NAV3: variants seen among roughly 807,000 people sequenced by gnomAD.
NAV3 encodes neuron navigator 3.
A neutral mutation model predicts 244.7 loss-of-function variants in NAV3; 87 were observed. That is an observed-to-expected ratio of 0.36 (90% CI 0.30 to 0.42). NAV3 has a LOEUF of 0.42. NAV3 is among the 20% of genes least tolerant of loss of function. The probability of loss-of-function intolerance (pLI) is 1.00; values close to 1 mark genes in which losing one functional copy is unlikely to be tolerated. For synonymous variants in NAV3, 1,126 were observed against 1,042.2 expected (o/e 1.08, Z -1.55); for missense variants, 2,663 against 2,893.3 (o/e 0.92, Z 1.83).
At chr12:78,167,133 G>A (rs999891973) in intron 23 of NAV3, among the ~76,000 whole-genome samples, 18 of 151,342 alleles carry the variant, frequency 1.2e-4, no homozygotes, top group Non-Finnish European at 2.1e-4. Context: ...ATTAAGTTTC[G>A]GTAAAATCTG....
intron 2 of NAV3, among the ~76,000 whole-genome samples, chr12:77,727,365 A>C (rs1213925024): frequency 6.6e-6 from 1 of 151,924 alleles, no homozygotes; most frequent in Non-Finnish European, 1.5e-5. Context: ...AACCATAGGC[A>C]TGGGAGAAAA....
chr12:78,195,318 C>G (rs1959156343), intron 34 of NAV3, among the ~76,000 whole-genome samples: 1 of 151,876 alleles, frequency 6.6e-6, no homozygotes, highest in African/African-American at 2.4e-5. Flanking sequence ...TTACACTTTT[C>G]AGGTTTCACT....
intron 26 of NAV3, 141 bp from the exon 27 acceptor site, chr12:78,177,000 A>T: frequency 1.4e-6 from 1 of 726,476 alleles, no homozygotes; most frequent in Non-Finnish European, 2.3e-6. Flanking sequence ...TTTTAGAGAT[A>T]CTGTGCTGCA....
At chr12:77,596,861 T>A (rs1057493972) in intron 2 of NAV3, among the ~76,000 whole-genome samples, 1 of 152,166 alleles carries the variant, frequency 6.6e-6, no homozygotes, top group East Asian at 1.9e-4. Context: ...GGGGCATCCA[T>A]GTGCAGTCTG....
At position 77,664,380 on chromosome 12, in the gene NAV3, G is replaced by C. The variant is rs555287521; in HGVS notation, c.72+92114G>C. On this transcript the variant is annotated intron_variant, in intron 2 of 8. Coordinates refer to the NAV3 transcript ENST00000550042. ...ATTATTAATTTTATTTCCTGGAAGA[G>C]TTGGCTAAATATTCAATAGGTTGGT... 2.0e-5 allele frequency among the ~76,000 whole-genome samples: 3 copies of C among 152,310 alleles called. No homozygotes were observed. The South Asian group carries it at 6.2e-4, about 32-fold the overall frequency.
chr12:77,670,787 T>C (rs184569207), intron 2 of NAV3, among the ~76,000 whole-genome samples: 157 of 152,216 alleles, frequency 1.0e-3, no homozygotes, highest in African/African-American at 3.5e-3. Flanking sequence ...GGGGCAAACC[T>C]TAGGGTAATA....
chr12:77,616,430 T>C (rs1244096086), intron 2 of NAV3, among the ~76,000 whole-genome samples: 1 of 152,092 alleles, frequency 6.6e-6, no homozygotes, highest in Non-Finnish European at 1.5e-5. Flanking sequence ...AAATTTTAAA[T>C]CCCTGCATAG....
intron 12 of NAV3, among the ~76,000 whole-genome samples, chr12:78,105,205 G>A (rs926961393): frequency 6.6e-6 from 1 of 152,078 alleles, no homozygotes; most frequent in Non-Finnish European, 1.5e-5. Flanking sequence ...GGACAGAAAT[G>A]TTATATCCTT....
At chr12:77,812,758 A>C (rs1226505499) in intron 2 of NAV3, among the ~76,000 whole-genome samples, 1 of 152,162 alleles carries the variant, frequency 6.6e-6, no homozygotes, top group Non-Finnish European at 1.5e-5. Flanking sequence ...GATAACAGTC[A>C]CACTTGATCA....
intron 2 of NAV3, among the ~76,000 whole-genome samples, chr12:77,638,552 A>G (rs967895181): frequency 2.0e-5 from 3 of 152,224 alleles, no homozygotes; most frequent in Admixed American, 6.5e-5. Flanking sequence ...AAAATCCTAC[A>G]GACTTACTGC....
intron 2 of NAV3, among the ~76,000 whole-genome samples, chr12:77,745,778 A>G (rs553347078): frequency 1.3e-5 from 2 of 152,150 alleles, no homozygotes; most frequent in South Asian, 2.1e-4. Flanking sequence ...TTCTGAATCA[A>G]TCAGCATGAC....
chr12:78,123,343 AT>A (rs144071808), intron 16 of NAV3, among the ~76,000 whole-genome samples: 2,654 of 149,446 alleles, frequency 0.018, 65 homozygotes, highest in African/African-American at 0.059. Context: ...TGTTTTTTTT[AT>A]TTTTTTTTTA....
intron 6 of NAV3, among the ~76,000 whole-genome samples, chr12:77,996,279 G>A (rs1344517540): frequency 6.6e-6 from 1 of 152,076 alleles, no homozygotes; most frequent in African/African-American, 2.4e-5. Flanking sequence ...TTCATTAGTT[G>A]GGTTCCTTCA....
intron 5 of NAV3, among the ~76,000 whole-genome samples, chr12:77,992,906 A>G (rs1479971158): frequency 1.3e-5 from 2 of 152,208 alleles, no homozygotes; most frequent in Admixed American, 6.5e-5. Flanking sequence ...CAAAGACTTT[A>G]GAACACAGTG....
intron 3 of NAV3, among the ~76,000 whole-genome samples, chr12:77,965,259 T>A (rs1184976604): frequency 6.6e-6 from 1 of 152,146 alleles, no homozygotes; most frequent in Non-Finnish European, 1.5e-5. Context: ...CAAATTTTTA[T>A]TTTTTTATTT....
chr12:77,645,726 G>A (rs1363198361), intron 2 of NAV3, among the ~76,000 whole-genome samples: 1 of 151,936 alleles, frequency 6.6e-6, no homozygotes, highest in African/African-American at 2.4e-5. Context: ...GTCATATCAA[G>A]TAATGTCTCA....
intron 2 of NAV3, among the ~76,000 whole-genome samples, chr12:77,746,495 A>G (rs1382763994): frequency 6.6e-6 from 1 of 152,166 alleles, no homozygotes; most frequent in Non-Finnish European, 1.5e-5. Context: ...GTGTGCATAT[A>G]TGTATGTGTA....
rs1956409200 is a variant in NAV3, at chr12:78,137,167, T to C, written c.4442-10T>C. ...TAAGAGTAATAGGCTCTGTGTGTTTTGTTTTTCAGTGAGCCCAACAAATTT... is the reference window on the plus strand; with the variant it reads ...TAAGAGTAATAGGCTCTGTGTGTTTCGTTTTTCAGTGAGCCCAACAAATTT... On this transcript the variant is annotated splice_polypyrimidine_tract_variant and intron_variant, in intron 18 of 39. Transcript: ENST00000397909. The C allele has an allele frequency of 6.2e-7, 1 of 1,606,766 alleles. No homozygotes were observed. Among genetic ancestry groups the C allele is most frequent in the South Asian group, 1.1e-5 (1 of 90,044 alleles).
intron 1 of NAV3, among the ~76,000 whole-genome samples, chr12:77,871,037 G>A (rs1880873011): frequency 6.6e-6 from 1 of 152,156 alleles, no homozygotes; most frequent in African/African-American, 2.4e-5. Context: ...ATAAGCACAT[G>A]AAAGTAACCG....
Sources: gnomAD v4.1 joint callset for allele counts (sites outside exome capture counted in the v4.1 genomes callset) on GRCh38, gnomAD v4.1.1 for gene constraint, MANE v1.5 for transcripts, NCBI Gene and HGNC (gene_info 2026-07-23, HGNC 2026-07-21) for gene names.